Variants in DDO observed in about 807,000 individuals in gnomAD.
DDO encodes the protein D-aspartate oxidase, DDO.
DDO carries 16 observed loss-of-function variants against 16.8 expected under a neutral mutation model. That is an observed-to-expected ratio of 0.95 (90% confidence interval 0.65 to 1.45). The LOEUF (loss-of-function observed/expected upper bound fraction) is 1.45, where lower values mean the gene tolerates loss of function less well. DDO is among the 40% of genes most tolerant of loss of function. The pLI is 0.00. For synonymous variants in DDO, 180 were observed against 167.2 expected, an observed-to-expected ratio of 1.08 and a Z score of -0.59; for missense variants, 429 against 420.3, an observed-to-expected ratio of 1.02 and a Z score of -0.18.
intron 2 of DDO, among the ~76,000 whole-genome samples, chr6:110,409,089 C>T (rs1773761638): frequency 6.6e-6 from 1 of 152,230 alleles, no homozygotes; most frequent in Admixed American, 6.5e-5. Flanking sequence ...CAGAGTAGCA[C>T]TCCTGAAGCC....
At chr6:110,391,390 C>A (rs1177462599), downstream of DDO, among the ~76,000 whole-genome samples, 5 of 146,750 alleles carry the variant, frequency 3.4e-5, no homozygotes, top group Admixed American at 6.8e-5. Flanking sequence ...TGCTCTGTCA[C>A]CCAGGCTGGA....
intron 2 of DDO, among the ~76,000 whole-genome samples, chr6:110,409,371 G>A (rs529958542): frequency 3.7e-4 from 56 of 152,300 alleles, no homozygotes; most frequent in African/African-American, 1.2e-3. Flanking sequence ...CCAGGGACCA[G>A]GGAACAATAA....
intron 3 of DDO, among the ~76,000 whole-genome samples, chr6:110,405,161 C>T (rs1234156431): frequency 2.6e-5 from 4 of 152,130 alleles, no homozygotes; most frequent in East Asian, 1.9e-4. Context: ...CTCAGCCTCC[C>T]GGGTAGCTGG....
At chr6:110,402,311 T>G (rs1773509336) in intron 4 of DDO, among the ~76,000 whole-genome samples, 1 of 152,208 alleles carries the variant, frequency 6.6e-6, no homozygotes, top group Admixed American at 6.5e-5. Context: ...GATATTGATT[T>G]TATTATACTA....
intron 1 of DDO, among the ~76,000 whole-genome samples, chr6:110,414,641 C>T (rs1016284765): frequency 2.0e-5 from 3 of 152,266 alleles, no homozygotes; most frequent in African/African-American, 7.2e-5. Context: ...TGCTCTGACT[C>T]TTTCTGTATG....
Position 110,393,281 on chromosome 6 carries a change from G to T in DDO, c.520C>A (p.Pro174Thr). ...CAGTTGACCACGATGTCAAAGGACG[G>T]ATGAAGTTCCCACAGGTCTTCTATT... Reference protein sequence around the residue: ...RRIEDLWELHPSFDIVVNCSG... With the variant: ...RRIEDLWELHTSFDIVVNCSG... Residue 174 changes from proline to threonine, a missense_variant, in exon 5 of 5, where the codon CCG (proline) becomes ACG (threonine). Coordinates refer to ENST00000368924, the MANE Select transcript of DDO (RefSeq NM_001372108.2). 1 of 1,613,654 alleles carries T rather than the reference G, an allele frequency of 6.2e-7. No individual in the cohort carries two copies. Among genetic ancestry groups the T allele is most frequent in the Non-Finnish European group, 8.5e-7 (1 of 1,179,652 alleles).
At chr6:110,414,929 G>C (rs865818521) in intron 1 of DDO, among the ~76,000 whole-genome samples, 9 of 152,308 alleles carry the variant, frequency 5.9e-5, no homozygotes, top group African/African-American at 9.6e-5. Flanking sequence ...ACGTGGGCTT[G>C]GTTGTTAGTG....
intron 3 of DDO, among the ~76,000 whole-genome samples, chr6:110,406,287 A>T (rs1773652957): frequency 6.6e-6 from 1 of 152,154 alleles, no homozygotes; most frequent in Non-Finnish European, 1.5e-5. Context: ...ACACACATGC[A>T]CGCATGCATG....
chr6:110,405,183 C>A (rs1452443809), intron 3 of DDO, among the ~76,000 whole-genome samples: 2 of 152,052 alleles, frequency 1.3e-5, no homozygotes, highest in Non-Finnish European at 2.9e-5. Context: ...ACCACAGGCG[C>A]TTGCTACCAC....
At chr6:110,393,484 G>A in intron 4 of DDO, 142 bp from the exon 5 acceptor site, 3 of 1,206,562 alleles carry the variant, frequency 2.5e-6, no homozygotes, top group South Asian at 4.8e-5. Flanking sequence ...GGCCCAGTCA[G>A]GCCAAATTCT....
rs1044777597 is a variant in DDO at position 110,404,908 on chromosome 6, G to A, written c.324C>T (p.Phe108=). ...FQSTPTEEVP[F]WADVVLGFRK... ...GAAATCCCAGAACCACGTCAGCCCA[G>A]AATGGCACTTCTTCAGTCGGAGTGC... The change falls in exon 4 of 5, where the codon TTC becomes TTT. Residue 108 remains phenylalanine, a synonymous_variant. Coordinates refer to ENST00000368924, the MANE Select transcript of DDO (RefSeq NM_001372108.2). 6.2e-7 allele frequency: 1 copy of A among 1,614,072 alleles called. No individual in the cohort carries two copies. Among genetic ancestry groups the A allele is most frequent in the Non-Finnish European group, 8.5e-7 (1 of 1,180,048 alleles).
At chr6:110,407,460 C>T (rs1773696577) in intron 3 of DDO, among the ~76,000 whole-genome samples, 2 of 152,078 alleles carry the variant, frequency 1.3e-5, no homozygotes. Context: ...TAGAAATTCA[C>T]CCAATGCAAG....
chr6:110,405,236 C>G (rs1773613490), intron 3 of DDO, among the ~76,000 whole-genome samples: 1 of 152,310 alleles, frequency 6.6e-6, no homozygotes. Flanking sequence ...CAGCGTCTTA[C>G]TATGTTGCCC....
rs531999865 is a variant in DDO at position 110,415,184 on chromosome 6, A to G, written c.-5+283T>C. On this transcript the variant is annotated intron_variant, in intron 1 of 4. Coordinates refer to ENST00000368924, the MANE Select transcript of DDO (RefSeq NM_001372108.2). Reference sequence around the variant, plus strand: ...GTCTGGTGGGGGCCAGCTTGAGTAGAGCTGTCCTGCAGCCACCAGTGACCT... The same window carrying G: ...GTCTGGTGGGGGCCAGCTTGAGTAGGGCTGTCCTGCAGCCACCAGTGACCT... 5.7e-4 allele frequency among the ~76,000 whole-genome samples: 87 copies of G among 152,276 alleles called. 1 individual carries two copies. The highest frequency in any genetic ancestry group is 2.0e-3 in the African/African-American group (85 of 41,552).
chr6:110,407,663 G>C (rs1274825003), intron 3 of DDO, among the ~76,000 whole-genome samples: 1 of 152,178 alleles, frequency 6.6e-6, no homozygotes, highest in Admixed American at 6.5e-5. Flanking sequence ...AATTGAAAGT[G>C]ATAGAATATT....
chr6:110,390,649 C>G (rs1773083161), downstream of DDO, among the ~76,000 whole-genome samples: 1 of 152,196 alleles, frequency 6.6e-6, no homozygotes, highest in Admixed American at 6.5e-5. Flanking sequence ...GCCACAGGAT[C>G]TGAACCACAG....
In DDO at chr6:110,413,343, T is replaced by C; in HGVS notation, c.120A>G (p.Pro40=). 1 of 1,614,156 alleles carries C rather than the reference T, an allele frequency of 6.2e-7. No homozygotes were observed. The highest frequency in any genetic ancestry group is 1.1e-5 in the South Asian group (1 of 91,078). ...SVTIISDKFT[P]DTTSDVAAGM... Reference sequence around the variant, plus strand: ...CGGCTGCCACATCACTGGTGGTATCTGGAGTAAACTTGTCTGAAATGATGG... The same window carrying C: ...CGGCTGCCACATCACTGGTGGTATCCGGAGTAAACTTGTCTGAAATGATGG... The change falls in exon 2 of 5, where the codon CCA becomes CCG. Residue 40 remains proline, a synonymous_variant. Coordinates refer to ENST00000368924, the MANE Select transcript of DDO (RefSeq NM_001372108.2).
In DDO at chr6:110,392,803, C is replaced by T. The variant is rs1470417036; in HGVS notation, c.998G>A (p.Arg333Lys). Reference sequence around the variant, plus strand: ...CAGGTTTGACTTGGGAATGGGGGTCCTGAGGGCATGGACACACTCGCTCAC... The same window carrying T: ...CAGGTTTGACTTGGGAATGGGGGTCTTGAGGGCATGGACACACTCGCTCAC... Reference protein sequence around the residue: ...RLVSECVHALRTPIPKSNL With the variant: ...RLVSECVHALKTPIPKSNL The change falls in exon 5 of 5, where the codon AGG becomes AAG. Residue 333 changes from arginine to lysine, a missense_variant. Coordinates refer to ENST00000368924, the MANE Select transcript of DDO (RefSeq NM_001372108.2). The T allele has an allele frequency of 6.3e-7, 1 of 1,579,364 alleles. No homozygotes were observed. Among genetic ancestry groups the T allele is most frequent in the South Asian group, 1.2e-5 (1 of 86,494 alleles).
Position 110,404,905 on chromosome 6 carries a change from C to G in DDO, c.327G>C (p.Trp109Cys), listed in dbSNP as rs1379238787. 2 of 1,614,218 alleles carry G rather than the reference C, an allele frequency of 1.2e-6. No homozygotes were observed. Among genetic ancestry groups the G allele is most frequent in the Non-Finnish European group, 1.7e-6 (2 of 1,180,036 alleles). Residue 109 changes from tryptophan (W) to cysteine (C), a missense_variant, in exon 4 of 5, where the codon TGG (tryptophan) becomes TGC (cysteine). By Grantham distance (215) the Trp-to-Cys change is radical. Transcript: ENST00000368924. The stretch of plus-strand genomic sequence containing the variant: ...TTCGAAATCCCAGAACCACGTCAGC[C>G]CAGAATGGCACTTCTTCAGTCGGAG... Reference protein sequence around the residue: ...QSTPTEEVPFWADVVLGFRKM... With the variant: ...QSTPTEEVPFCADVVLGFRKM...
Sources: allele counts gnomAD v4.1 joint callset (sites outside exome capture counted in the v4.1 genomes callset), GRCh38; gene constraint gnomAD v4.1.1; transcripts MANE v1.5; gene names NCBI Gene and HGNC (gene_info 2026-07-23, HGNC 2026-07-21).